DMD: variants seen among roughly 807,000 people sequenced by gnomAD.
DMD encodes mutant dystrophin.
DMD carries 63 observed loss-of-function variants against 330.1 expected under a neutral mutation model. The ratio of observed to expected loss-of-function variants is 0.19; its 90% CI spans 0.16 to 0.24. The LOEUF is 0.24. DMD is among the 10% of genes least tolerant of loss of function. The probability of loss-of-function intolerance (pLI) is 1.00; values close to 1 mark genes in which losing one functional copy is unlikely to be tolerated. For missense variants in DMD, 3,344 were observed against 2,684.1 expected (o/e 1.25, Z -5.43); for synonymous variants, 1,223 against 959.8 (o/e 1.27, Z -5.07).
At chrX:32,230,480 C>T (rs889116837) in intron 43 of DMD, among the ~76,000 whole-genome samples, 7 of 111,754 alleles carry the variant, frequency 6.3e-5, no homozygotes, top group African/African-American at 2.3e-4. Context: ...CTCCTGACCT[C>T]GTGATCCTTC....
At chrX:31,260,927 C>T (rs1208666177) in intron 63 of DMD, 28 bp downstream of exon 63, 1 of 1,194,088 alleles carries the variant, frequency 8.4e-7, no homozygotes, top group Non-Finnish European at 1.1e-6. Context: ...TGTCATTTAA[C>T]TTGGAGGAAA....
At chrX:31,419,861 A>T (rs28471978) in intron 60 of DMD, among the ~76,000 whole-genome samples, 4,958 of 111,728 alleles carry the variant, frequency 0.044, 267 homozygotes, top group African/African-American at 0.15. Flanking sequence ...TGGTGCCAGG[A>T]CAGATAGGAT....
chrX:31,167,932 A>C (rs186699601), intron 74 of DMD, among the ~76,000 whole-genome samples: 1 of 112,017 alleles, frequency 8.9e-6, no homozygotes, highest in Non-Finnish European at 1.9e-5. Context: ...AATAACTGAT[A>C]AAAAGGAAAA....
At chrX:32,091,317 AT>A (rs1472662408) in intron 44 of DMD, among the ~76,000 whole-genome samples, 4 of 112,049 alleles carry the variant, frequency 3.6e-5, no homozygotes, top group Non-Finnish European at 7.5e-5. Context: ...ATAGAAACTT[AT>A]ATATTTTTTT....
chrX:32,525,156 C>T (rs759846728), intron 17 of DMD, among the ~76,000 whole-genome samples: 2 of 111,689 alleles, frequency 1.8e-5, no homozygotes, highest in African/African-American at 6.5e-5. Context: ...CTAACCTAAT[C>T]TTAATATTTA....
At chrX:31,529,980 G>A (rs961094005) in intron 55 of DMD, among the ~76,000 whole-genome samples, 4 of 110,958 alleles carry the variant, frequency 3.6e-5, no homozygotes, top group East Asian at 2.8e-4. Context: ...AGCAAATGAC[G>A]ATTAAAGTTT....
At chrX:31,530,647 CTTTTTTTTTTTTTTTTTTTTTTAA>C (rs1269653723) in intron 55 of DMD, among the ~76,000 whole-genome samples, 37 of 49,819 alleles carry the variant, frequency 7.4e-4, no homozygotes, top group African/African-American at 2.8e-3. Context: ...ACTGGTTTCT[CTTTTTTTTTTTTTTTTTTTTTTAA>C]TTTTTTTTTT....
chrX:32,322,969 T>C (rs2097627046), intron 41 of DMD, among the ~76,000 whole-genome samples: 1 of 112,496 alleles, frequency 8.9e-6, no homozygotes, highest in Admixed American at 9.4e-5. Context: ...ATTTCTCATG[T>C]GTTCCAACCA....
chrX:31,562,584 ATC>A (rs1159706410), intron 55 of DMD, among the ~76,000 whole-genome samples: 1 of 112,422 alleles, frequency 8.9e-6, no homozygotes. Context: ...CTATCTGGAT[ATC>A]CTCTTCTGGG....
intron 55 of DMD, among the ~76,000 whole-genome samples, chrX:31,576,756 G>GTTTTTTTTTTTTTTT (rs754919922): frequency 1.0e-5 from 1 of 96,273 alleles, no homozygotes; most frequent in Non-Finnish European, 2.3e-5. Flanking sequence ...AATATATGAG[G>GTTTTTTTTTTTTTTT]TTGTTTTTTT....
In DMD at chrX:31,479,080, A is replaced by G. The variant is rs72466570; in HGVS notation, c.8571T>C (p.Thr2857=). Residue 2857 remains threonine (T), a synonymous_variant, in exon 58 of 79, where the codon ACT becomes ACC. Transcript: ENST00000357033. ...VHRAFKRELK[T]KEPVIMSTLE... is the part of the protein sequence containing the mutation. ...GAGTACTCATGATTACAGGTTCTTTAGTTTTCAATTCCCTCTTGAAGGCCT... is the reference window on the plus strand; with the variant it reads ...GAGTACTCATGATTACAGGTTCTTTGGTTTTCAATTCCCTCTTGAAGGCCT... 1.4e-3 allele frequency: 1,746 copies of G among 1,208,177 alleles called. 3 individuals carry two copies. The highest frequency in any genetic ancestry group is 1.6e-3 in the Non-Finnish European group (1,415 of 893,843).
chrX:31,226,285 T>C (rs1340484148), intron 63 of DMD, among the ~76,000 whole-genome samples: 1 of 112,193 alleles, frequency 8.9e-6, no homozygotes, highest in Non-Finnish European at 1.9e-5. Flanking sequence ...ACCAACACCA[T>C]CCTGTGTTGT....
intron 54 of DMD, among the ~76,000 whole-genome samples, chrX:31,631,842 G>C (rs1193343052): frequency 3.6e-5 from 4 of 111,809 alleles, no homozygotes; most frequent in Non-Finnish European, 5.6e-5. Flanking sequence ...TGCCTGAATT[G>C]CTACTGAACT....
chrX:33,287,762 C>G (rs77600881), intron 1 of DMD, among the ~76,000 whole-genome samples: 1 of 111,409 alleles, frequency 9.0e-6, no homozygotes, highest in African/African-American at 3.3e-5. Context: ...ACAATCACAC[C>G]TTAGTTGTTA....
intron 52 of DMD, among the ~76,000 whole-genome samples, chrX:31,688,366 T>G (rs773969999): frequency 1.8e-5 from 2 of 110,705 alleles, no homozygotes; most frequent in Non-Finnish European, 3.8e-5. Flanking sequence ...CTAGAAAATC[T>G]AGAAGAAATG....
intron 59 of DMD, among the ~76,000 whole-genome samples, chrX:31,477,674 C>T (rs779105002): frequency 1.3e-4 from 14 of 110,386 alleles, no homozygotes; most frequent in African/African-American, 3.3e-5. Context: ...TTTCACCAAA[C>T]CATAACTTAC....
chrX:32,978,073 GA>G (rs1221433086), intron 2 of DMD, among the ~76,000 whole-genome samples: 1 of 93,578 alleles, frequency 1.1e-5, no homozygotes, highest in Non-Finnish European at 2.1e-5. Context: ...GTAAAACCTG[GA>G]TAAACAGGAA....
intron 7 of DMD, among the ~76,000 whole-genome samples, chrX:32,778,023 G>A (rs1177867810): frequency 9.0e-6 from 1 of 111,482 alleles, no homozygotes; most frequent in African/African-American, 3.3e-5. Flanking sequence ...GAATATTACT[G>A]GAAAAGAGAC....
At chrX:33,202,411 T>C (rs1171575586) in intron 1 of DMD, among the ~76,000 whole-genome samples, 1 of 111,787 alleles carries the variant, frequency 8.9e-6, no homozygotes. Context: ...TAGATGATTA[T>C]GTTTCCCCAC....
Sources: allele counts gnomAD v4.1 joint callset (sites outside exome capture counted in the v4.1 genomes callset), GRCh38; gene constraint gnomAD v4.1.1; transcripts MANE v1.5; gene names NCBI Gene and HGNC (gene_info 2026-07-23, HGNC 2026-07-21).